Variants in PRKAR2A observed in about 807,000 individuals in gnomAD.
PRKAR2A encodes the protein cAMP-dependent protein kinase type II-alpha regulatory subunit.
A neutral mutation model predicts 51.9 loss-of-function variants in PRKAR2A; 29 were observed. That is an observed-to-expected ratio of 0.56 (90% CI 0.42 to 0.76). PRKAR2A has a LOEUF of 0.76. PRKAR2A is among the 30% of genes least tolerant of loss of function. PRKAR2A has a pLI of 0.00. For missense variants in PRKAR2A, 445 were observed against 512.1 expected (o/e 0.87, Z 1.26); for synonymous variants, 178 against 186.2 (o/e 0.96, Z 0.36).
chr3:48,771,344 C>CAAA (rs941519136), intron 6 of PRKAR2A, among the ~76,000 whole-genome samples: 14 of 152,164 alleles, frequency 9.2e-5, no homozygotes, highest in Admixed American at 8.5e-4. Context: ...TCTGTCTCAA[C>CAAA]AACAACAACA....
chr3:48,798,519 T>C (rs2082533922), intron 2 of PRKAR2A, among the ~76,000 whole-genome samples: 1 of 152,162 alleles, frequency 6.6e-6, no homozygotes, highest in African/African-American at 2.4e-5. Context: ...ATTCAGTGTA[T>C]TCCAATTGCT....
chr3:48,823,849 T>C (rs1003041745), intron 1 of PRKAR2A, among the ~76,000 whole-genome samples: 2 of 149,816 alleles, frequency 1.3e-5, no homozygotes, highest in Non-Finnish European at 3.0e-5. Context: ...GGAAGTCTAC[T>C]AGGACCGTAG....
intron 8 of PRKAR2A, among the ~76,000 whole-genome samples, chr3:48,761,100 G>C (rs1419950014): frequency 6.6e-6 from 1 of 152,074 alleles, no homozygotes; most frequent in South Asian, 2.1e-4. Flanking sequence ...TGGCTAACAC[G>C]GTGAAACCTG....
intron 5 of PRKAR2A, among the ~76,000 whole-genome samples, chr3:48,782,671 G>A (rs958653412): frequency 1.3e-5 from 2 of 152,154 alleles, no homozygotes; most frequent in Non-Finnish European, 2.9e-5. Flanking sequence ...GGCCAGGCTG[G>A]TCTCAAACCC....
rs1333270956 is a variant in PRKAR2A, at chr3:48,778,881, A to G, written c.542+4105T>C. On this transcript the variant is annotated intron_variant, in intron 5 of 10. Coordinates refer to ENST00000265563, the MANE Select transcript of PRKAR2A (RefSeq NM_004157.4). ...ACTATTGTTGCCCAGGCTGGAGTGC[A>G]ATGGCATGATCTCGGCTCACTGCAA... Among the ~76,000 whole-genome samples, 3 of 139,294 alleles carry G rather than the reference A, an allele frequency of 2.2e-5. No individual in the cohort carries two copies. The East Asian group carries it at 6.3e-4, about 29-fold the overall frequency. 91.4% of individuals were successfully genotyped at this position (139,294 alleles called of 152,430 possible). A position where few individuals can be genotyped will look rare whatever the true frequency, so the allele number is the denominator to read the frequency against.
At chr3:48,752,681 G>A (rs957567641) in intron 9 of PRKAR2A, among the ~76,000 whole-genome samples, 1 of 151,844 alleles carries the variant, frequency 6.6e-6, no homozygotes, top group African/African-American at 2.4e-5. Context: ...ATTTTACAGT[G>A]ACAAAATCCC....
intron 9 of PRKAR2A, among the ~76,000 whole-genome samples, chr3:48,752,916 CTTTTTTTTTTTTTTTTTTTTTTT>C (rs59163654): frequency 4.2e-5 from 2 of 47,498 alleles, no homozygotes; most frequent in East Asian, 7.9e-4. Flanking sequence ...TTCCCTCCTC[CTTTTTTTTTTTTTTTTTTTTTTT>C]TTTTTTTTTT....
chr3:48,836,418 C>CAAAAAAAAAAAAAAAAAAAAAAAAAAA, intron 1 of PRKAR2A, among the ~76,000 whole-genome samples: 1 of 6,074 alleles, frequency 1.6e-4, no homozygotes, highest in African/African-American at 9.2e-4. Context: ...GAGACTCCGT[C>CAAAAAAAAAAAAAAAAAAAAAAAAAAA]TAAAAAAAAA....
chr3:48,785,258 ATT>A (rs1198962303), intron 4 of PRKAR2A, among the ~76,000 whole-genome samples: 20 of 123,842 alleles, frequency 1.6e-4, no homozygotes, highest in African/African-American at 1.8e-4. Context: ...GGCCTGGATA[ATT>A]TTTTTTTTTT....
chr3:48,804,236 G>T (rs1203914591), intron 2 of PRKAR2A, among the ~76,000 whole-genome samples: 1 of 152,082 alleles, frequency 6.6e-6, no homozygotes, highest in Non-Finnish European at 1.5e-5. Flanking sequence ...CAAGCTAAGT[G>T]GATTGCTTGA....
intron 4 of PRKAR2A, among the ~76,000 whole-genome samples, chr3:48,786,660 T>A (rs1440497265): frequency 2.0e-5 from 3 of 151,434 alleles, no homozygotes; most frequent in Non-Finnish European, 2.9e-5. Flanking sequence ...AAAAAATTTT[T>A]AAAAAAGATA....
At chr3:48,766,476 G>C (rs1241936235) in intron 6 of PRKAR2A, among the ~76,000 whole-genome samples, 1 of 151,888 alleles carries the variant, frequency 6.6e-6, no homozygotes, top group Non-Finnish European at 1.5e-5. Context: ...TGAGGCTGGA[G>C]AATCACTTGA....
chr3:48,790,862 C>T (rs544440541), intron 3 of PRKAR2A, among the ~76,000 whole-genome samples: 1 of 152,216 alleles, frequency 6.6e-6, no homozygotes, highest in East Asian at 1.9e-4. Context: ...AGCAAGTCAG[C>T]TGTTCCCTGG....
At chr3:48,808,579 T>C (rs2082718611) in intron 1 of PRKAR2A, among the ~76,000 whole-genome samples, 1 of 116,584 alleles carries the variant, frequency 8.6e-6, no homozygotes. Flanking sequence ...TGGAGTTTCA[T>C]CATGTTGGCC....
At chr3:48,754,229 A>T (rs186809322) in intron 9 of PRKAR2A, among the ~76,000 whole-genome samples, 136 of 146,306 alleles carry the variant, frequency 9.3e-4, no homozygotes, top group African/African-American at 3.3e-3. Flanking sequence ...GAAACAACAG[A>T]TCTACTTTTT....
intron 9 of PRKAR2A, among the ~76,000 whole-genome samples, chr3:48,752,920 T>G (rs1192186663): frequency 1.6e-5 from 1 of 61,988 alleles, no homozygotes; most frequent in African/African-American, 5.8e-5. Context: ...CTCCTCCTTT[T>G]TTTTTTTTTT....
chr3:48,813,278 G>A (rs949860840), intron 1 of PRKAR2A, among the ~76,000 whole-genome samples: 2 of 151,430 alleles, frequency 1.3e-5, no homozygotes, highest in Admixed American at 6.6e-5. Flanking sequence ...TGGTATGCAC[G>A]TGTAGTCCTA....
At chr3:48,746,231 G>A (rs1405290210), downstream of PRKAR2A, among the ~76,000 whole-genome samples, 1 of 151,642 alleles carries the variant, frequency 6.6e-6, no homozygotes, top group African/African-American at 2.4e-5. Flanking sequence ...AAATCTTTAG[G>A]CTGGGTGCAG....
chr3:48,836,784 G>T (rs1331186030), intron 1 of PRKAR2A, among the ~76,000 whole-genome samples: 1 of 150,438 alleles, frequency 6.6e-6, no homozygotes, highest in South Asian at 2.1e-4. Context: ...TATGACCAAC[G>T]CTGGCAACAT....
Sources: gnomAD v4.1 joint callset for allele counts (sites outside exome capture counted in the v4.1 genomes callset) on GRCh38, gnomAD v4.1.1 for gene constraint, MANE v1.5 for transcripts, NCBI Gene and HGNC (gene_info 2026-07-23, HGNC 2026-07-21) for gene names.